The following PTPRD variants were observed in gnomAD, a reference collection of about 807,000 sequenced individuals.
The protein encoded by PTPRD is protein tyrosine phosphatase receptor type D, also known as receptor-type tyrosine-protein phosphatase delta.
In PTPRD, 34 loss-of-function variants were observed where a neutral mutation model predicts 214.5. The observed-to-expected ratio is 0.16, with a 90% CI of 0.12 to 0.21. PTPRD has a LOEUF of 0.21. Among genes scored for constraint, PTPRD ranks in the 10% least tolerant of loss-of-function variants. PTPRD has a pLI of 1.00. For missense variants in PTPRD, 2,545 were observed against 2,398.7 expected (o/e 1.06, Z -1.27); for synonymous variants, 1,128 against 845.7 (o/e 1.33, Z -5.79).
intron 5 of PTPRD, among the ~76,000 whole-genome samples, chr9:9,839,747 C>A (rs568912958): frequency 6.6e-6 from 1 of 152,236 alleles, no homozygotes; most frequent in African/African-American, 2.4e-5. Flanking sequence ...ATCGCCAAGT[C>A]AGTCCTAAGC....
chr9:10,211,549 C>A (rs996589980), intron 3 of PTPRD, among the ~76,000 whole-genome samples: 1 of 152,124 alleles, frequency 6.6e-6, no homozygotes, highest in African/African-American at 2.4e-5. Flanking sequence ...AGATCTTCTG[C>A]TGCTCCATCT....
At chr9:9,056,310 T>C (rs957977033) in intron 10 of PTPRD, among the ~76,000 whole-genome samples, 2 of 152,244 alleles carry the variant, frequency 1.3e-5, no homozygotes, top group Admixed American at 6.5e-5. Context: ...GAGAAGTACA[T>C]AAAACATCTT....
chr9:8,963,033 A>C (rs1311303398), intron 11 of PTPRD: 1 of 152,144 alleles, frequency 6.6e-6, no homozygotes, highest in Non-Finnish European at 1.5e-5. Flanking sequence ...AAAATGTATA[A>C]AATATACAAT....
chr9:8,805,762 G>A (rs2096664637), intron 11 of PTPRD, among the ~76,000 whole-genome samples: 1 of 151,324 alleles, frequency 6.6e-6, no homozygotes, highest in African/African-American at 2.4e-5. Flanking sequence ...TTGGGGCACT[G>A]AGGCGGACGG....
intron 3 of PTPRD, among the ~76,000 whole-genome samples, chr9:10,239,978 A>C (rs187990246): frequency 8.7e-4 from 133 of 152,014 alleles, no homozygotes; most frequent in African/African-American, 3.2e-3. Flanking sequence ...TTGGCCATTA[A>C]GAGATTAAGA....
chr9:8,855,088 T>TA (rs2097890223), intron 11 of PTPRD, among the ~76,000 whole-genome samples: 1 of 150,412 alleles, frequency 6.6e-6, no homozygotes, highest in Non-Finnish European at 1.5e-5. Flanking sequence ...GTTAATGTAT[T>TA]AAAAAGGAAA....
chr9:8,627,338 G>A lies in PTPRD; in HGVS notation c.352+5979C>T, dbSNP rs778240466. Among the ~76,000 whole-genome samples, 15 of 151,664 alleles carry A rather than the reference G, an allele frequency of 9.9e-5. 1 individual carries two copies. The highest frequency in any genetic ancestry group is 1.5e-4 in the Non-Finnish European group (10 of 67,836). On this transcript the variant is annotated intron_variant, in intron 14 of 45. Coordinates refer to ENST00000381196, the MANE Select transcript of PTPRD (RefSeq NM_002839.4). ...AACCCGATGAAAATCTTAGCTGTAC[G>A]ACCAAGAACAAATCATGTCAAACTC...
In PTPRD at chr9:9,893,066, A is replaced by G. The variant is rs185657121; in HGVS notation, c.-368+45441T>C. On this transcript the variant is annotated intron_variant, in intron 5 of 45. Transcript: ENST00000381196. ...TGCTGAGTAGGCAGTGGGAAGTAAGAGTATGAAGTTCAGGAGAGTGCTTCA... is the reference window on the plus strand; with the variant it reads ...TGCTGAGTAGGCAGTGGGAAGTAAGGGTATGAAGTTCAGGAGAGTGCTTCA... Among the ~76,000 whole-genome samples the G allele has an allele frequency of 3.9e-5, 6 of 152,188 alleles. No individual in the cohort carries two copies. In the East Asian group the frequency reaches 1.2e-3, roughly 29 times the overall value.
At chr9:10,179,993 T>C (rs563779752) in intron 3 of PTPRD, among the ~76,000 whole-genome samples, 206 of 152,162 alleles carry the variant, frequency 1.4e-3, no homozygotes, top group African/African-American at 4.7e-3. Context: ...AAATAAGATA[T>C]GACAACATAT....
chr9:10,125,811 TAA>T (rs1591793602), intron 3 of PTPRD, among the ~76,000 whole-genome samples: 1 of 152,182 alleles, frequency 6.6e-6, no homozygotes, highest in East Asian at 1.9e-4. Context: ...AGTAAAACTA[TAA>T]GTTAGAAACA....
At chr9:9,155,204 G>A (rs1480163368) in intron 10 of PTPRD, among the ~76,000 whole-genome samples, 1 of 152,078 alleles carries the variant, frequency 6.6e-6, no homozygotes, top group African/African-American at 2.4e-5. Context: ...TAATGTATCG[G>A]CCTTTTCATT....
rs570323348 is a variant in PTPRD at position 10,248,468 on chromosome 9, G to A, written c.-545+92495C>T. Among the ~76,000 whole-genome samples the A allele has an allele frequency of 1.3e-3, 179 of 135,208 alleles. No homozygotes were observed. In the Middle Eastern group the frequency reaches 0.013, roughly 10 times the overall value. The allele number at this position is 135,208 out of a possible 152,430, so 88.7% of individuals were successfully genotyped here. ...AAATGTTACTTTTCCAACATGGATC[G>A]TGTTAAACATTAGTTCTACAGAATG... On this transcript the variant is annotated intron_variant, in intron 3 of 45. Coordinates refer to ENST00000381196, the MANE Select transcript of PTPRD (RefSeq NM_002839.4).
intron 12 of PTPRD, among the ~76,000 whole-genome samples, chr9:8,658,996 G>A (rs748683407): frequency 3.3e-5 from 5 of 151,830 alleles, no homozygotes; most frequent in African/African-American, 4.8e-5. Flanking sequence ...TATTTTTGCC[G>A]CAGGCCCTTT....
intron 5 of PTPRD, among the ~76,000 whole-genome samples, chr9:9,769,299 A>G (rs910807200): frequency 1.4e-4 from 15 of 110,798 alleles, no homozygotes; most frequent in African/African-American, 4.7e-4. Context: ...TTTGTAAACT[A>G]TGTTTTAACC....
chr9:9,598,076 GCA>G (rs2093489560), intron 7 of PTPRD, among the ~76,000 whole-genome samples: 1 of 151,922 alleles, frequency 6.6e-6, no homozygotes, highest in Non-Finnish European at 1.5e-5. Context: ...TGGGCAAACT[GCA>G]CACAGTTAGT....
intron 11 of PTPRD, among the ~76,000 whole-genome samples, chr9:8,949,787 C>G (rs552993688): frequency 2.8e-4 from 43 of 152,058 alleles, no homozygotes; most frequent in Non-Finnish European, 8.8e-5. Flanking sequence ...TTGTCTTCTA[C>G]GTGTTGCTTT....
chr9:10,434,374 A>G (rs530175861), intron 2 of PTPRD, among the ~76,000 whole-genome samples: 8 of 152,050 alleles, frequency 5.3e-5, no homozygotes, highest in East Asian at 1.9e-4. Flanking sequence ...TTTCAGTTCA[A>G]TTAATAACTA....
chr9:10,299,403 G>C (rs2095793617), intron 3 of PTPRD, among the ~76,000 whole-genome samples: 1 of 152,108 alleles, frequency 6.6e-6, no homozygotes, highest in Non-Finnish European at 1.5e-5. Flanking sequence ...GTTAATTTCA[G>C]CTACCCTATA....
intron 11 of PTPRD, among the ~76,000 whole-genome samples, chr9:8,846,367 A>C (rs934333112): frequency 6.6e-6 from 1 of 152,214 alleles, no homozygotes; most frequent in Non-Finnish European, 1.5e-5. Flanking sequence ...CAGGCCATGT[A>C]GTAGGAGCTG....
Sources: gnomAD v4.1 joint callset for allele counts (sites outside exome capture counted in the v4.1 genomes callset) on GRCh38, gnomAD v4.1.1 for gene constraint, MANE v1.5 for transcripts, NCBI Gene and HGNC (gene_info 2026-07-23, HGNC 2026-07-21) for gene names.